Variants in SP1 observed in about 807,000 individuals in gnomAD.
The protein encoded by SP1 is transcription factor Sp1.
A neutral mutation model predicts 66.3 loss-of-function variants in SP1; 6 were observed. The observed-to-expected ratio is 0.09, with a 90% CI of 0.05 to 0.18. The LOEUF is 0.18. SP1 is among the 10% of genes least tolerant of loss of function. SP1 has a pLI of 1.00. For synonymous variants in SP1, 417 were observed against 360.8 expected (o/e 1.16, Z -1.77); for missense variants, 848 against 964.5 (o/e 0.88, Z 1.60).
chr12:53,392,425 C>T (rs1411410560), intron 3 of SP1, among the ~76,000 whole-genome samples: 15 of 140,198 alleles, frequency 1.1e-4, no homozygotes, highest in African/African-American at 2.2e-4. Context: ...GGCGGGATCT[C>T]GGCTCACTGC....
intron 3 of SP1, among the ~76,000 whole-genome samples, chr12:53,401,132 A>G (rs1292556370): frequency 1.3e-5 from 2 of 151,968 alleles, no homozygotes; most frequent in African/African-American, 4.8e-5. Flanking sequence ...TGGCAGTCTT[A>G]CTGTTTTACT....
At chr12:53,395,034 C>G (rs2136903796) in intron 3 of SP1, among the ~76,000 whole-genome samples, 1 of 152,108 alleles carries the variant, frequency 6.6e-6, no homozygotes, top group Non-Finnish European at 1.5e-5. Flanking sequence ...TTTGGTGTCC[C>G]TTTGAAAGAA....
intron 1 of SP1, among the ~76,000 whole-genome samples, chr12:53,380,854 G>A (rs77428973): frequency 0.013 from 1,921 of 149,172 alleles, 41 homozygotes; most frequent in African/African-American, 0.045. Context: ...GATCCCTTTA[G>A]TTCCTTAGCA....
In SP1 at chr12:53,382,746, C is replaced by T; in HGVS notation, c.799C>T (p.Leu267=). The change falls in exon 3 of 6, where the codon CTA becomes TTA. Residue 267 remains leucine (L), a synonymous_variant. Transcript: ENST00000327443. The part of the protein sequence containing the change: ...PVALNGNITL[L]PVNSVSAATL... ...GGCCCTGAATGGGAACATCACCTTG[C>T]TACCTGTCAACAGCGTTTCTGCAGC... 1 of 1,614,108 alleles carries T rather than the reference C, an allele frequency of 6.2e-7. No individual in the cohort carries two copies. Among genetic ancestry groups the T allele is most frequent in the Non-Finnish European group, 8.5e-7 (1 of 1,180,000 alleles).
At chr12:53,387,846 C>T (rs1190994837) in intron 3 of SP1, among the ~76,000 whole-genome samples, 1 of 151,828 alleles carries the variant, frequency 6.6e-6, no homozygotes, top group Non-Finnish European at 1.5e-5. Flanking sequence ...ATTAGCTGGG[C>T]GTGGTGGTGG....
chr12:53,409,282 T>C (rs1240817226), intron 4 of SP1, 80 bp from the exon 5 acceptor site: 2 of 1,166,056 alleles, frequency 1.7e-6, no homozygotes, highest in African/African-American at 1.5e-5. Flanking sequence ...TTGGTGTCGA[T>C]TGGGTGATTG....
intron 3 of SP1, among the ~76,000 whole-genome samples, chr12:53,400,565 G>A (rs745400237): frequency 4.6e-5 from 7 of 151,976 alleles, no homozygotes; most frequent in Non-Finnish European, 1.0e-4. Flanking sequence ...CAGTTGTGAT[G>A]AGTTCGAGTC....
At chr12:53,381,892 A>G in intron 2 of SP1, 79 bp downstream of exon 2, 1 of 1,507,480 alleles carries the variant, frequency 6.6e-7, no homozygotes. Context: ...CTTCACAGAA[A>G]GCGTTTTAGG....
chr12:53,382,413 C>G lies in SP1; in HGVS notation c.466C>G (p.Gln156Glu), dbSNP rs1435790116. The change falls in exon 3 of 6, where the codon CAG becomes GAG. Residue 156 changes from glutamine (Q) to glutamate (E), a missense_variant. Gln to Glu is a conservative substitution (Grantham distance 29, BLOSUM62 2). Transcript: ENST00000327443. Reference sequence around the variant, plus strand: ...TGTTGTGGCTGCCGCTCCCAACTTACAGAACCAGCAAGTTCTGACAGGACT... The same window carrying G: ...TGTTGTGGCTGCCGCTCCCAACTTAGAGAACCAGCAAGTTCTGACAGGACT... ...QYVVAAAPNL[Q>E]NQQVLTGLPG... The G allele has an allele frequency of 6.2e-7, 1 of 1,614,200 alleles. No individual in the cohort carries two copies. The highest frequency in any genetic ancestry group is 1.7e-5 in the Admixed American group (1 of 60,008).
rs752385989 is a variant in SP1 at position 53,382,436 on chromosome 12, A to G, written c.489A>G (p.Gly163=). 6.2e-7 allele frequency: 1 copy of G among 1,614,208 alleles called. No homozygotes were observed. Among genetic ancestry groups the G allele is most frequent in the South Asian group, 1.1e-5 (1 of 91,082 alleles). Residue 163 remains glycine (G), a synonymous_variant, in exon 3 of 6, where the codon GGA becomes GGG. Transcript: ENST00000327443. Reference sequence around the variant, plus strand: ...TACAGAACCAGCAAGTTCTGACAGGACTACCTGGAGTGATGCCTAATATTC... The same window carrying G: ...TACAGAACCAGCAAGTTCTGACAGGGCTACCTGGAGTGATGCCTAATATTC... ...PNLQNQQVLT[G]LPGVMPNIQY... is the part of the protein sequence containing the mutation.
intron 4 of SP1, among the ~76,000 whole-genome samples, chr12:53,407,857 C>T (rs1938779390): frequency 2.1e-5 from 3 of 145,040 alleles, no homozygotes; most frequent in South Asian, 4.5e-4. Flanking sequence ...AGGGTGGTCT[C>T]GATCTCCTGA....
intron 3 of SP1, among the ~76,000 whole-genome samples, chr12:53,384,722 C>A (rs192830434): frequency 6.6e-6 from 1 of 152,314 alleles, no homozygotes; most frequent in African/African-American, 2.4e-5. Context: ...TGTGGTGGCT[C>A]ACGCCTGTAA....
In SP1 at chr12:53,380,716, C is replaced by A. The variant is rs867617523; in HGVS notation, c.7+418C>A. The A allele has an allele frequency of 1.6e-4, 154 of 963,318 alleles. No individual in the cohort carries two copies. The South Asian group carries it at 1.8e-3, about 11-fold the overall frequency. The allele number at this position is 963,318 out of a possible 1,614,324, so 59.7% of individuals were successfully genotyped here. ...GCCTGCTCCAAGGCCCTCCTCCCCC[C>A]ACTTTCCGTAGATTTCCCTTCCCCC... On this transcript the variant is annotated intron_variant, in intron 1 of 5. Transcript: ENST00000327443.
At chr12:53,394,136 A>G (rs923610190) in intron 3 of SP1, among the ~76,000 whole-genome samples, 90 of 151,548 alleles carry the variant, frequency 5.9e-4, no homozygotes, top group African/African-American at 2.1e-3. Flanking sequence ...AATCATTTGA[A>G]CCCGGGAGGT....
chr12:53,383,066 C>G lies in SP1; in HGVS notation c.1119C>G (p.Asn373Lys), dbSNP rs2136888461. The change falls in exon 3 of 6, where the codon AAC (asparagine) becomes AAG (lysine). Residue 373 changes from asparagine to lysine, a missense_variant. By Grantham distance (94) the Asn-to-Lys change is moderately conservative. This residue lies in a region of SP1 where 606 missense variants were observed against 589.9 expected (regional missense o/e 1.03). Coordinates refer to ENST00000327443, the MANE Select transcript of SP1 (RefSeq NM_138473.3). ...CTGATGCTCTGAACATCCAGCAAAACCAGACATCTGGAGGCTCATTGCAAG... is the reference window on the plus strand; with the variant it reads ...CTGATGCTCTGAACATCCAGCAAAAGCAGACATCTGGAGGCTCATTGCAAG... ...QGSDALNIQQ[N>K]QTSGGSLQAG... 4 of 1,614,212 alleles carry G rather than the reference C, an allele frequency of 2.5e-6. No homozygotes were observed. The highest frequency in any genetic ancestry group is 3.4e-6 in the Non-Finnish European group (4 of 1,180,042).
intron 4 of SP1, among the ~76,000 whole-genome samples, chr12:53,407,784 C>T (rs1337687512): frequency 1.3e-5 from 2 of 151,026 alleles, no homozygotes; most frequent in Non-Finnish European, 3.0e-5. Flanking sequence ...CTACAGGTGC[C>T]CGCCACCTCG....
In SP1 at chr12:53,414,519, G is replaced by C. The variant is rs1938957500; in HGVS notation, c.*3279G>C. On this transcript the variant is annotated 3_prime_UTR_variant, in exon 6 of 6. Coordinates refer to ENST00000327443, the MANE Select transcript of SP1 (RefSeq NM_138473.3). ...AGTGTGGGATAAAGATTATGATTAG[G>C]GGAGGGTTGGAGACAAAAGCTGTAA... The C allele has an allele frequency of 6.6e-6, 1 of 152,536 alleles. No individual in the cohort carries two copies. Among genetic ancestry groups the C allele is most frequent in the South Asian group, 2.1e-4 (1 of 4,828 alleles). 9.4% of individuals were successfully genotyped at this position (152,536 alleles called of 1,614,324 possible).
At chr12:53,381,609 A>G (rs1938099046) in intron 1 of SP1, 50 bp from the exon 2 acceptor site, 2 of 1,514,956 alleles carry the variant, frequency 1.3e-6, no homozygotes, top group Middle Eastern at 1.8e-4. Context: ...TTCCTACTTC[A>G]TTTCTTTTCT....
At chr12:53,397,846 G>T (rs7955418) in intron 3 of SP1, among the ~76,000 whole-genome samples, 1 of 151,836 alleles carries the variant, frequency 6.6e-6, no homozygotes, top group South Asian at 2.1e-4. Context: ...GAGCCACTGC[G>T]CCCGACCGTA....
Sources: gnomAD v4.1 joint callset for allele counts (sites outside exome capture counted in the v4.1 genomes callset) on GRCh38, gnomAD v4.1.1 for gene constraint, gnomAD v4.1.1 regional missense constraint, MANE v1.5 for transcripts, NCBI Gene and HGNC (gene_info 2026-07-23, HGNC 2026-07-21) for gene names.